The following ZNF423 variants were observed in gnomAD, a reference collection of about 807,000 sequenced individuals.
The protein encoded by ZNF423 is zinc finger protein 423.
ZNF423 carries 12 observed loss-of-function variants against 95.8 expected under a neutral mutation model. The observed-to-expected ratio is 0.13, with a 90% CI of 0.08 to 0.20. ZNF423 has a LOEUF of 0.20. Ranked by LOEUF, ZNF423 falls within the 10% of genes least tolerant of loss-of-function variation. ZNF423 has a pLI of 1.00. For synonymous variants in ZNF423, 749 were observed against 711.9 expected (o/e 1.05, Z -0.83); for missense variants, 1,316 against 1,737.1 (o/e 0.76, Z 4.31).
intron 7 of ZNF423, among the ~76,000 whole-genome samples, chr16:49,502,993 C>T (rs112684182): frequency 2.6e-5 from 4 of 151,606 alleles, no homozygotes; most frequent in African/African-American, 9.7e-5. Context: ...GGATACCCCA[C>T]AATCCCATGC....
chr16:49,803,734 G>C lies in ZNF423; in HGVS notation c.41-14188C>G, dbSNP rs533895932. On this transcript the variant is annotated intron_variant, in intron 1 of 7. Transcript: ENST00000563137. ...TGAGTGAATGAATGAACAAACTACG[G>C]TATGCTGGAGGTTGCTAAATGCATC... Among the ~76,000 whole-genome samples the C allele has an allele frequency of 2.3e-4, 35 of 152,146 alleles. 1 individual carries two copies. The highest frequency in any genetic ancestry group is 7.5e-4 in the African/African-American group (31 of 41,500).
At chr16:49,836,220 G>C (rs143480296) in intron 1 of ZNF423, among the ~76,000 whole-genome samples, 1 of 152,190 alleles carries the variant, frequency 6.6e-6, no homozygotes, top group Non-Finnish European at 1.5e-5. Flanking sequence ...TGGGTGTGCA[G>C]TTCCCAAAAA....
intron 3 of ZNF423, among the ~76,000 whole-genome samples, chr16:49,679,396 C>T (rs777201932): frequency 4.3e-4 from 66 of 152,228 alleles, no homozygotes; most frequent in Non-Finnish European, 8.4e-4. Context: ...TGGGAGGCCC[C>T]CCTCTCCTGT....
At chr16:49,648,786 T>C (rs1973278557) in intron 3 of ZNF423, among the ~76,000 whole-genome samples, 1 of 152,080 alleles carries the variant, frequency 6.6e-6, no homozygotes. Context: ...GAGTATTGAG[T>C]ATTCAGTCAC....
At chr16:49,547,402 A>G (rs1268155648) in intron 5 of ZNF423, among the ~76,000 whole-genome samples, 1 of 152,244 alleles carries the variant, frequency 6.6e-6, no homozygotes, top group East Asian at 1.9e-4. Context: ...CACGTTAACA[A>G]GAAGAGCCAT....
upstream of ZNF423, among the ~76,000 whole-genome samples, chr16:49,857,102 A>G (rs2035379951): frequency 6.6e-6 from 1 of 150,426 alleles, no homozygotes; most frequent in Non-Finnish European, 1.5e-5. This position sits in a 1 kb window ranked among gnomAD's most constrained non-coding sequence, Gnocchi z 6.2. Flanking sequence ...GCAGAGACAC[A>G]TAATAAAGCC....
At chr16:49,540,441 AT>A (rs5816647) in intron 5 of ZNF423, among the ~76,000 whole-genome samples, 19,653 of 144,876 alleles carry the variant, frequency 0.14, 1,447 homozygotes, top group East Asian at 0.23. Context: ...TGCCCCACTC[AT>A]TTTTTTTTTT....
intron 5 of ZNF423, among the ~76,000 whole-genome samples, chr16:49,581,407 C>A (rs943415897): frequency 6.6e-6 from 1 of 152,166 alleles, no homozygotes; most frequent in East Asian, 1.9e-4. Context: ...TGAAATTACA[C>A]GAATGAAGTC....
chr16:49,802,113 G>T (rs2034591897), intron 1 of ZNF423, among the ~76,000 whole-genome samples: 1 of 152,152 alleles, frequency 6.6e-6, no homozygotes, highest in Non-Finnish European at 1.5e-5. Context: ...CTCCCAAAGT[G>T]CTGGGATTAC....
At chr16:49,700,634 C>T (rs1409487039) in intron 3 of ZNF423, among the ~76,000 whole-genome samples, 4 of 152,230 alleles carry the variant, frequency 2.6e-5, no homozygotes, top group Non-Finnish European at 4.4e-5. Flanking sequence ...CAGCCGCCAG[C>T]GCCCTGGCAC....
At chr16:49,826,199 A>C (rs891703028) in intron 1 of ZNF423, among the ~76,000 whole-genome samples, 3 of 152,312 alleles carry the variant, frequency 2.0e-5, no homozygotes, top group Admixed American at 6.5e-5. Context: ...GTGAAAGAGC[A>C]AGACCCTGTC....
intron 7 of ZNF423, 127 bp downstream of exon 7, chr16:49,523,497 G>A (rs1295944134): frequency 1.1e-5 from 8 of 746,428 alleles, no homozygotes; most frequent in African/African-American, 1.7e-5. Context: ...TAGCCAGGAG[G>A]TCAGCCCCTG....
At chr16:49,798,193 C>G (rs12446233) in intron 1 of ZNF423, among the ~76,000 whole-genome samples, 79,556 of 151,866 alleles carry the variant, frequency 0.52, 20,887 homozygotes, top group South Asian at 0.59. Flanking sequence ...CTGGGTGATA[C>G]AGCAAGACCC....
chr16:49,637,499 C>G lies in ZNF423; in HGVS notation c.1677G>C (p.Pro559=). 1.9e-6 allele frequency: 3 copies of G among 1,613,992 alleles called. No individual in the cohort carries two copies. Among genetic ancestry groups the G allele is most frequent in the South Asian group, 1.1e-5 (1 of 91,062 alleles). The change falls in exon 4 of 8, where the codon CCG becomes CCC. Residue 559 remains proline (P), a synonymous_variant. Coordinates refer to ENST00000563137, the MANE Select transcript of ZNF423 (RefSeq NM_001379286.1). The surrounding 1 kb of genome is among the most constrained non-coding windows in gnomAD (Gnocchi z 5.6). Reference sequence around the variant, plus strand: ...TGAAGGACTGCGTGGGCTGCACCACCGGAGACTCTAGTTTGGCACTGCCCA... The same window carrying G: ...TGAAGGACTGCGTGGGCTGCACCACGGGAGACTCTAGTTTGGCACTGCCCA... ...CSVGSAKLES[P]VVQPTQSFME...
intron 3 of ZNF423, among the ~76,000 whole-genome samples, chr16:49,663,294 C>G (rs963544375): frequency 1.2e-3 from 176 of 152,268 alleles, no homozygotes; most frequent in Non-Finnish European, 2.2e-4. Context: ...ATCTCGGTAG[C>G]CTGGTTACCA....
chr16:49,552,062 G>C (rs113105178), intron 5 of ZNF423, among the ~76,000 whole-genome samples: 110 of 152,322 alleles, frequency 7.2e-4, no homozygotes, highest in African/African-American at 2.5e-3. Flanking sequence ...TGAAAACTCA[G>C]AACATCTGGA....
At chr16:49,537,604 C>T (rs151286281) in intron 5 of ZNF423, among the ~76,000 whole-genome samples, 19 of 152,286 alleles carry the variant, frequency 1.2e-4, no homozygotes, top group East Asian at 9.6e-4. Flanking sequence ...TTCTTCAGTT[C>T]GGCTGAAAAG....
At chr16:49,754,802 A>G (rs1394345124) in intron 2 of ZNF423, among the ~76,000 whole-genome samples, 2 of 152,230 alleles carry the variant, frequency 1.3e-5, no homozygotes, top group Non-Finnish European at 2.9e-5. Flanking sequence ...GAAGGAAAGA[A>G]AAAACTTTTT....
At chr16:49,733,025 C>A (rs2033205640) in intron 2 of ZNF423, among the ~76,000 whole-genome samples, 1 of 152,186 alleles carries the variant, frequency 6.6e-6, no homozygotes, top group Non-Finnish European at 1.5e-5. Context: ...ATACAGAAAT[C>A]CCATTAAAAG....
Sources: gnomAD v4.1 joint callset for allele counts (sites outside exome capture counted in the v4.1 genomes callset) on GRCh38, gnomAD v4.1.1 for gene constraint, Gnocchi (gnomAD v3.1) non-coding constraint, MANE v1.5 for transcripts, NCBI Gene and HGNC (gene_info 2026-07-23, HGNC 2026-07-21) for gene names.